The following CHIC1 variants were observed in gnomAD, a reference collection of about 807,000 sequenced individuals.
The protein encoded by CHIC1 is cysteine-rich hydrophobic domain-containing protein 1.
A neutral mutation model predicts 18.5 loss-of-function variants in CHIC1; 7 were observed. That is an observed-to-expected ratio of 0.38 (90% confidence interval 0.22 to 0.71). The LOEUF (loss-of-function observed/expected upper bound fraction) is 0.71. Ranked by LOEUF, CHIC1 falls within the 30% of genes least tolerant of loss-of-function variation. The pLI is 0.49. For synonymous variants in CHIC1, 77 were observed against 73.5 expected, an observed-to-expected ratio of 1.05 and a Z score of -0.25; for missense variants, 159 against 176.9, an observed-to-expected ratio of 0.90 and a Z score of 0.57.
chrX:73,588,892 G>A (rs1442068810), intron 3 of CHIC1, among the ~76,000 whole-genome samples: 2 of 110,111 alleles, frequency 1.8e-5, no homozygotes, highest in Admixed American at 9.7e-5. Context: ...AGAGTGATAT[G>A]TAATGTCCCT....
chrX:73,668,550 T>C (rs1438259379), intron 3 of CHIC1, among the ~76,000 whole-genome samples: 1 of 111,731 alleles, frequency 9.0e-6, no homozygotes, highest in Admixed American at 9.5e-5. Flanking sequence ...TGTGTTTTTT[T>C]ATTGTTGTTT....
intron 3 of CHIC1, among the ~76,000 whole-genome samples, chrX:73,644,539 C>G (rs2057877831): frequency 8.9e-6 from 1 of 112,586 alleles, no homozygotes; most frequent in African/African-American, 3.2e-5. Context: ...CCACCCAGTT[C>G]AAGCTTCCCG....
At chrX:73,598,147 C>G (rs963840300) in intron 3 of CHIC1, among the ~76,000 whole-genome samples, 4 of 110,299 alleles carry the variant, frequency 3.6e-5, no homozygotes, top group Non-Finnish European at 7.6e-5. Flanking sequence ...GTAATGGGAT[C>G]GCTGGGTCAA....
chrX:73,579,218 T>TA (rs1351650276), intron 2 of CHIC1, among the ~76,000 whole-genome samples: 1 of 110,278 alleles, frequency 9.1e-6, no homozygotes, highest in Non-Finnish European at 1.9e-5. Context: ...GTTATGTCAC[T>TA]TACTGTGTGG....
intron 3 of CHIC1, among the ~76,000 whole-genome samples, chrX:73,597,142 C>T (rs2057613598): frequency 8.9e-6 from 1 of 112,160 alleles, no homozygotes; most frequent in Non-Finnish European, 1.9e-5. Context: ...AGATCCTCAT[C>T]AATGTGTGTT....
At chrX:73,660,319 A>G (rs2057973343) in intron 3 of CHIC1, among the ~76,000 whole-genome samples, 1 of 111,810 alleles carries the variant, frequency 8.9e-6, no homozygotes. Flanking sequence ...GCCATTAATG[A>G]GGGACCCCAC....
chrX:73,644,139 C>A (rs1310054556), intron 3 of CHIC1, among the ~76,000 whole-genome samples: 3 of 112,458 alleles, frequency 2.7e-5, no homozygotes, highest in South Asian at 3.7e-4. Context: ...CCACTCCAGA[C>A]CCTGTTTGCC....
At chrX:73,658,248 G>GTT (rs869309622) in intron 3 of CHIC1, among the ~76,000 whole-genome samples, 2,822 of 16,693 alleles carry the variant, frequency 0.17, 913 homozygotes, top group Admixed American at 0.22. Flanking sequence ...CTGGTCCTAG[G>GTT]TTTTTTTTTT....
Position 73,650,790 on chromosome X carries a change from G to C in CHIC1, c.508-28536G>C, listed in dbSNP as rs112078262. On this transcript the variant is annotated intron_variant, in intron 3 of 5. Transcript: ENST00000373502. ...AAGAGGAGTTGGTACCATTTCTTCTGAAACTATTCCAAAAAATTGAAAAGG... is the reference window on the plus strand; with the variant it reads ...AAGAGGAGTTGGTACCATTTCTTCTCAAACTATTCCAAAAAATTGAAAAGG... 3.7e-5 allele frequency among the ~76,000 whole-genome samples: 4 copies of C among 109,077 alleles called. No individual in the cohort carries two copies. In the South Asian group the frequency reaches 1.6e-3, roughly 43 times the overall value. The allele number at this position is 109,077 out of a possible 115,157, so 94.7% of individuals were successfully genotyped here. A position where few individuals can be genotyped will look rare whatever the true frequency, so the allele number is the denominator to read the frequency against.
intron 3 of CHIC1, among the ~76,000 whole-genome samples, chrX:73,677,004 C>T (rs1196841129): frequency 8.9e-6 from 1 of 111,821 alleles, no homozygotes; most frequent in Non-Finnish European, 1.9e-5. Flanking sequence ...CCACTCCAGA[C>T]CCTGTTTGCC....
intron 3 of CHIC1, among the ~76,000 whole-genome samples, chrX:73,599,736 C>T (rs2057632677): frequency 9.4e-6 from 1 of 106,916 alleles, no homozygotes; most frequent in Admixed American, 9.9e-5. Flanking sequence ...GTTACTGTAG[C>T]CTTATAGTAT....
chrX:73,678,081 C>T (rs141341355), intron 3 of CHIC1, among the ~76,000 whole-genome samples: 184 of 108,019 alleles, frequency 1.7e-3, no homozygotes, highest in African/African-American at 4.9e-3. Context: ...CCATAGAGAA[C>T]GAGTTTTTCC....
rs200659486 is a variant in CHIC1 at position 73,655,462 on chromosome X, G to GTA, written c.508-23853_508-23852dup. Among the ~76,000 whole-genome samples, 19 of 42,983 alleles carry GTA rather than the reference G, an allele frequency of 4.4e-4. 2 individuals carry two copies. Among genetic ancestry groups the GTA allele is most frequent in the Admixed American group, 1.3e-3 (4 of 3,107 alleles). 37.3% of individuals were successfully genotyped at this position (42,983 alleles called of 115,157 possible). ...TATATACATATATACACAATATTGT[G>GTA]TATATATATATACATATATACACAA... On this transcript the variant is annotated intron_variant, in intron 3 of 5. Coordinates refer to ENST00000373502, the MANE Select transcript of CHIC1 (RefSeq NM_001039840.4).
chrX:73,651,617 CT>C (rs777438575), intron 3 of CHIC1, among the ~76,000 whole-genome samples: 2 of 110,730 alleles, frequency 1.8e-5, no homozygotes, highest in Non-Finnish European at 3.8e-5. Flanking sequence ...CATGAGTGAA[CT>C]CCCAATCACA....
Position 73,563,461 on chromosome X carries a change from A to AGAG in CHIC1, c.189_191dup (p.Glu68dup), listed in dbSNP as rs750642868. ...AGGAGGAAGAGGAGGAGGAGGAAGA[A>AGAG]GAGGAGGAGGAGGAAGAGGAGGAGG... is the stretch of plus-strand genomic sequence containing the variant. On this transcript the variant is annotated inframe_insertion, in exon 1 of 6. Coordinates refer to ENST00000373502, the MANE Select transcript of CHIC1 (RefSeq NM_001039840.4). 68 of 1,159,854 alleles carry AGAG rather than the reference A, an allele frequency of 5.9e-5. No individual in the cohort carries two copies. In the African/African-American group the frequency reaches 1.2e-3, roughly 20 times the overall value.
chrX:73,642,373 T>G (rs1490238555), intron 3 of CHIC1, among the ~76,000 whole-genome samples: 1 of 111,844 alleles, frequency 8.9e-6, no homozygotes, highest in Non-Finnish European at 1.9e-5. Context: ...GTTGTTTGTT[T>G]TTTTCTTGTA....
intron 3 of CHIC1, among the ~76,000 whole-genome samples, chrX:73,609,964 C>G (rs12558629): frequency 0.092 from 9,850 of 107,634 alleles, 559 homozygotes; most frequent in Non-Finnish European, 0.11. Flanking sequence ...ATACCCAGTG[C>G]TATCAAACAT....
At chrX:73,671,687 CTTGT>C (rs1321546672) in intron 3 of CHIC1, among the ~76,000 whole-genome samples, 2 of 108,286 alleles carry the variant, frequency 1.8e-5, no homozygotes, top group Non-Finnish European at 3.8e-5. Context: ...AGTTTTAAAT[CTTGT>C]TTGTTATCTT....
intron 3 of CHIC1, among the ~76,000 whole-genome samples, chrX:73,647,125 A>G (rs1013994315): frequency 9.0e-6 from 1 of 111,512 alleles, no homozygotes; most frequent in African/African-American, 3.3e-5. Flanking sequence ...GTGGGGAGTG[A>G]GCGTGCTACC....
Sources: allele counts gnomAD v4.1 joint callset (sites outside exome capture counted in the v4.1 genomes callset), GRCh38; gene constraint gnomAD v4.1.1; transcripts MANE v1.5; gene names NCBI Gene and HGNC (gene_info 2026-07-23, HGNC 2026-07-21).